SYT7: variants seen among roughly 807,000 people sequenced by gnomAD.
The protein encoded by SYT7 is synaptotagmin-7.
In SYT7, 29 loss-of-function variants were observed where a neutral mutation model predicts 75.1. The ratio of observed to expected loss-of-function variants is 0.39; its 90% CI spans 0.29 to 0.53. The LOEUF (loss-of-function observed/expected upper bound fraction) is 0.53. Among genes scored for constraint, SYT7 ranks in the 20% least tolerant of loss-of-function variants. SYT7 has a pLI of 0.77. For synonymous variants in SYT7, 376 were observed against 401.7 expected, an observed-to-expected ratio of 0.94 and a Z score of 0.76; for missense variants, 693 against 953.2, an observed-to-expected ratio of 0.73 and a Z score of 3.59.
chr11:61,542,587 C>A lies in SYT7; in HGVS notation c.573-8G>T. On this transcript the variant is annotated splice_polypyrimidine_tract_variant and splice_region_variant and intron_variant, in intron 5 of 12. Transcript: ENST00000539008. This position sits in a 1 kb window ranked among gnomAD's most constrained non-coding sequence, Gnocchi z 7.8. ...AGGGTGGAGTCCTCGAAACTTGGGGCAGGTGGAGGAGAGGAGAGAAAGGAG... is the reference window on the plus strand; with the variant it reads ...AGGGTGGAGTCCTCGAAACTTGGGGAAGGTGGAGGAGAGGAGAGAAAGGAG... 1 of 1,483,442 alleles carries A rather than the reference C, an allele frequency of 6.7e-7. No homozygotes were observed. The highest frequency in any genetic ancestry group is 8.9e-7 in the Non-Finnish European group (1 of 1,119,698). 91.9% of individuals were successfully genotyped at this position (1,483,442 alleles called of 1,614,324 possible).
chr11:61,586,170 T>C, the SYT7 span, among the ~76,000 whole-genome samples: 4 of 152,254 alleles, frequency 2.6e-5, no homozygotes, highest in African/African-American at 9.6e-5. Flanking sequence ...ATCCAGATTC[T>C]GGCTCTCAGT....
chr11:61,543,167 C>T (rs1439650019), intron 5 of SYT7, among the ~76,000 whole-genome samples: 1 of 152,186 alleles, frequency 6.6e-6, no homozygotes, highest in East Asian at 1.9e-4. Flanking sequence ...AGACCTCCAC[C>T]CTGTGGCCAG....
chr11:61,538,346 G>GGAGAGAGA (rs58071370), intron 6 of SYT7, 80 bp from the exon 7 acceptor site: 3,629 of 202,302 alleles, frequency 0.018, 47 homozygotes, highest in African/African-American at 0.028. Context: ...GGAGAGAGAG[G>GGAGAGAGA]GAGAGAGAGA....
At chr11:61,566,395 C>G (rs1232086656) in intron 1 of SYT7, among the ~76,000 whole-genome samples, 1 of 152,194 alleles carries the variant, frequency 6.6e-6, no homozygotes, top group African/African-American at 2.4e-5. Context: ...GGAGACTGGC[C>G]ATCTGTAGAC....
chr11:61,541,058 C>T, intron 6 of SYT7: 2 of 985,536 alleles, frequency 2.0e-6, no homozygotes, highest in Non-Finnish European at 2.4e-6. Context: ...ATGGCAGGGC[C>T]TCTTCGGGTG....
At chr11:61,529,601 G>A (rs561386361) in intron 8 of SYT7, among the ~76,000 whole-genome samples, 3 of 152,288 alleles carry the variant, frequency 2.0e-5, no homozygotes, top group African/African-American at 4.8e-5. Flanking sequence ...CACAGACACC[G>A]TGCCAGGTGA....
intron 1 of SYT7, among the ~76,000 whole-genome samples, chr11:61,579,989 C>A (rs899240756): frequency 9.2e-4 from 140 of 152,280 alleles, no homozygotes; most frequent in African/African-American, 3.2e-3. Flanking sequence ...AGAGCAATTT[C>A]CGAGGAAGAC....
rs1228458009 is a variant in SYT7, at chr11:61,518,244, G to C, written c.*383C>G. 1 of 173,918 alleles carries C rather than the reference G, an allele frequency of 5.7e-6. No homozygotes were observed. The highest frequency in any genetic ancestry group is 1.5e-4 in the East Asian group (1 of 6,754). The allele number at this position is 173,918 out of a possible 1,614,324, so 10.8% of individuals were successfully genotyped here. On this transcript the variant is annotated 3_prime_UTR_variant, in exon 13 of 13. Transcript: ENST00000539008. ...CCGGGTCCACATCGGGGGCTGGAGA[G>C]GGAGTGGCCTCTCTCCACTCCAGGT...
At chr11:61,549,968 T>C (rs1358395334) in intron 3 of SYT7, among the ~76,000 whole-genome samples, 2 of 152,174 alleles carry the variant, frequency 1.3e-5, no homozygotes, top group Non-Finnish European at 2.9e-5. Flanking sequence ...CCCCCAGCCC[T>C]GGCCCGCGGC....
chr11:61,550,494 G>A (rs1023219752), intron 3 of SYT7, among the ~76,000 whole-genome samples: 3 of 152,176 alleles, frequency 2.0e-5, no homozygotes, highest in Non-Finnish European at 4.4e-5. Context: ...GAGGTAGGGA[G>A]GGATGGGGCG....
intron 5 of SYT7, 132 bp downstream of exon 5, chr11:61,545,899 G>A: frequency 1.3e-6 from 1 of 748,844 alleles, no homozygotes; most frequent in Non-Finnish European, 2.1e-6. Flanking sequence ...TCTCATGAAG[G>A]GATGGAATGA....
At chr11:61,569,050 G>C (rs2063850590) in intron 1 of SYT7, among the ~76,000 whole-genome samples, 2 of 152,158 alleles carry the variant, frequency 1.3e-5, no homozygotes, top group African/African-American at 4.8e-5. Flanking sequence ...GGGAGTCCTA[G>C]GGGCTTTCAT....
In SYT7 at chr11:61,551,699, G is replaced by A. The variant is rs143291439; in HGVS notation, c.136-236C>T. On this transcript the variant is annotated intron_variant, in intron 2 of 12. Transcript: ENST00000539008. The surrounding 1 kb of genome is among the most constrained non-coding windows in gnomAD (Gnocchi z 5.3). The stretch of plus-strand genomic sequence containing the variant: ...GGACCTGCCCCACCCACCTCGACCC[G>A]AACCTCATCCCTGACTCCCAGGGAT... Among the ~76,000 whole-genome samples, 103 of 152,188 alleles carry A rather than the reference G, an allele frequency of 6.8e-4. 1 individual carries two copies. The East Asian group carries it at 0.016, about 24-fold the overall frequency.
chr11:61,522,325 G>A (rs1350040883), intron 12 of SYT7, among the ~76,000 whole-genome samples: 1 of 151,808 alleles, frequency 6.6e-6, no homozygotes, highest in African/African-American at 2.4e-5. Context: ...GAGTAGCTGG[G>A]ATTACAGGCA....
At chr11:61,526,170 G>A (rs994595228) in intron 9 of SYT7, 18 of 152,230 alleles carry the variant, frequency 1.2e-4, no homozygotes, top group African/African-American at 3.9e-4. Context: ...AGGAGCAGGT[G>A]AGCTGGAAGA....
In SYT7 at chr11:61,551,840, A is replaced by G. The variant is rs1227438001; in HGVS notation, c.136-377T>C. Among the ~76,000 whole-genome samples the G allele has an allele frequency of 6.6e-6, 1 of 151,934 alleles. No individual in the cohort carries two copies. Among genetic ancestry groups the G allele is most frequent in the African/African-American group, 2.4e-5 (1 of 41,342 alleles). ...CTGGCCACGTCACACTGTCCACGTC[A>G]CCGCCCCCAGATGGTGGGGGTGGCA... On this transcript the variant is annotated intron_variant, in intron 2 of 12. Coordinates refer to ENST00000539008, the MANE Select transcript of SYT7 (RefSeq NM_001365809.2). This position sits in a 1 kb window ranked among gnomAD's most constrained non-coding sequence, Gnocchi z 5.3.
intron 1 of SYT7, among the ~76,000 whole-genome samples, chr11:61,558,534 AC>A (rs1565199518): frequency 2.2e-3 from 329 of 148,134 alleles, no homozygotes; most frequent in African/African-American, 7.9e-3. Flanking sequence ...ACACACACAC[AC>A]ATATATATAT....
At chr11:61,541,905 A>G (rs2063053322) in intron 6 of SYT7, among the ~76,000 whole-genome samples, 1 of 152,202 alleles carries the variant, frequency 6.6e-6, no homozygotes, top group Non-Finnish European at 1.5e-5. Flanking sequence ...GCCTGGGACT[A>G]GCTGGGGAGA....
At chr11:61,568,679 G>A (rs1301783020) in intron 1 of SYT7, among the ~76,000 whole-genome samples, 1 of 152,128 alleles carries the variant, frequency 6.6e-6, no homozygotes. Context: ...ATGTTCTAGA[G>A]GCCACACTAT....
Sources: gnomAD v4.1 joint callset for allele counts (sites outside exome capture counted in the v4.1 genomes callset) on GRCh38, gnomAD v4.1.1 for gene constraint, Gnocchi (gnomAD v3.1) non-coding constraint, MANE v1.5 for transcripts, NCBI Gene and HGNC (gene_info 2026-07-23, HGNC 2026-07-21) for gene names.